The following DIP2C variants were observed in gnomAD, a reference collection of about 807,000 sequenced individuals.
DIP2C encodes the protein DIP2 acetate--CoA ligase C (putative).
A neutral mutation model predicts 192.4 loss-of-function variants in DIP2C; 33 were observed. The ratio of observed to expected loss-of-function variants is 0.17; its 90% CI spans 0.13 to 0.23. DIP2C has a LOEUF of 0.23. DIP2C is among the 10% of genes least tolerant of loss of function. The pLI, the probability that DIP2C is intolerant of heterozygous loss-of-function variation, is 1.00. For synonymous variants in DIP2C, 979 were observed against 864.1 expected, an observed-to-expected ratio of 1.13 and a Z score of -2.33; for missense variants, 1,537 against 2,110.1, an observed-to-expected ratio of 0.73 and a Z score of 5.32.
chr10:520,622 T>A lies in DIP2C; in HGVS notation c.86-34092A>T, dbSNP rs565375285. 1.8e-4 allele frequency among the ~76,000 whole-genome samples: 27 copies of A among 152,310 alleles called. 1 individual carries two copies. The South Asian group carries it at 5.6e-3, about 32-fold the overall frequency. Reference sequence around the variant, plus strand: ...GTCCTGACCTGTCTGAGCAGCTCCCTGCTCTGCCTGCAGCTCCTTCCGCAC... The same window carrying A: ...GTCCTGACCTGTCTGAGCAGCTCCCAGCTCTGCCTGCAGCTCCTTCCGCAC... On this transcript the variant is annotated intron_variant, in intron 1 of 36. Coordinates refer to ENST00000280886, the MANE Select transcript of DIP2C (RefSeq NM_014974.3).
intron 18 of DIP2C, 133 bp downstream of exon 18, chr10:369,361 G>C: frequency 2.6e-6 from 3 of 1,158,966 alleles, no homozygotes; most frequent in African/African-American, 1.6e-5. Context: ...GACTTCAGAA[G>C]ACTGGGAGTG....
chr10:627,635 G>A (rs1165836722), intron 1 of DIP2C, among the ~76,000 whole-genome samples: 1 of 152,208 alleles, frequency 6.6e-6, no homozygotes, highest in Non-Finnish European at 1.5e-5. Context: ...ATGTTTGCCA[G>A]GCAAATTAGA....
intron 35 of DIP2C, among the ~76,000 whole-genome samples, chr10:282,899 G>C (rs1438012894): frequency 2.0e-5 from 3 of 152,262 alleles, no homozygotes; most frequent in Non-Finnish European, 4.4e-5. Context: ...GACAGCTTCT[G>C]TCTCAGATGG....
At chr10:341,372 C>A (rs1958136810) in intron 28 of DIP2C, 43 bp from the exon 29 acceptor site, 2 of 1,610,422 alleles carry the variant, frequency 1.2e-6, no homozygotes, top group South Asian at 2.2e-5. Flanking sequence ...GACCTGACAC[C>A]CTCAGACACC....
At chr10:631,943 C>A (rs7100832) in intron 1 of DIP2C, among the ~76,000 whole-genome samples, 4,901 of 152,260 alleles carry the variant, frequency 0.032, 163 homozygotes, top group African/African-American at 0.079. Context: ...GTTCTGTAAC[C>A]CACATGCTGA....
chr10:612,257 G>A lies in DIP2C; in HGVS notation c.85+77237C>T, dbSNP rs182229106. On this transcript the variant is annotated intron_variant, in intron 1 of 36. Coordinates refer to ENST00000280886, the MANE Select transcript of DIP2C (RefSeq NM_014974.3). ...CAGTGAGCCAAGGTCACACCACTGC[G>A]CTCCAGCCTGGGCAACACAGCAAGA... is the stretch of plus-strand genomic sequence containing the variant. Among the ~76,000 whole-genome samples the A allele has an allele frequency of 6.2e-3, 931 of 151,016 alleles. 7 individuals are homozygous for A. Among genetic ancestry groups the A allele is most frequent in the African/African-American group, 0.015 (617 of 41,048 alleles).
At chr10:292,915 C>A (rs1360288409) in intron 32 of DIP2C, among the ~76,000 whole-genome samples, 2 of 152,226 alleles carry the variant, frequency 1.3e-5, no homozygotes, top group Non-Finnish European at 2.9e-5. Context: ...AGGACCACCA[C>A]CCCCTGGCAG....
rs562966742 is a variant in DIP2C at position 376,045 on chromosome 10, G to A, written c.1992-6412C>T. Among the ~76,000 whole-genome samples the A allele has an allele frequency of 4.9e-4, 75 of 152,244 alleles. No individual in the cohort carries two copies. The South Asian group carries it at 6.0e-3, about 12-fold the overall frequency. Reference sequence around the variant, plus strand: ...AACACGCCTGCAGTCATGTAACGGCGGTAACATTTGTTGAATTCTTACTAT... The same window carrying A: ...AACACGCCTGCAGTCATGTAACGGCAGTAACATTTGTTGAATTCTTACTAT... On this transcript the variant is annotated intron_variant, in intron 17 of 36. Transcript: ENST00000280886.
chr10:424,330 G>A (rs1231113888), intron 4 of DIP2C, among the ~76,000 whole-genome samples: 2 of 146,416 alleles, frequency 1.4e-5, no homozygotes, highest in African/African-American at 5.1e-5. Flanking sequence ...AATGTTAAGA[G>A]CCTGAAAATT....
At chr10:342,647 C>T (rs1408657971) in intron 28 of DIP2C, among the ~76,000 whole-genome samples, 1 of 152,158 alleles carries the variant, frequency 6.6e-6, no homozygotes, top group Non-Finnish European at 1.5e-5. Context: ...AGTGAAGGCT[C>T]ACAGAAGTTA....
intron 10 of DIP2C, among the ~76,000 whole-genome samples, chr10:391,970 CTG>C (rs1438538489): frequency 1.8e-4 from 28 of 152,210 alleles, no homozygotes; most frequent in African/African-American, 6.0e-4. Flanking sequence ...AAACGCCTCT[CTG>C]TGGAATTTTC....
intron 32 of DIP2C, among the ~76,000 whole-genome samples, chr10:307,028 C>A (rs994812488): frequency 6.6e-6 from 1 of 152,108 alleles, no homozygotes; most frequent in African/African-American, 2.4e-5. Flanking sequence ...CCGGGAGAGC[C>A]GGTGGCTAAA....
chr10:414,278 A>C (rs146489010), intron 7 of DIP2C, among the ~76,000 whole-genome samples, 168 bp from the exon 8 acceptor site: 10 of 152,310 alleles, frequency 6.6e-5, no homozygotes, highest in African/African-American at 2.2e-4. Context: ...AGCATCACGG[A>C]TGCTGGTAAA....
intron 1 of DIP2C, among the ~76,000 whole-genome samples, chr10:592,334 A>G (rs1018945490): frequency 1.3e-5 from 2 of 152,172 alleles, no homozygotes; most frequent in Non-Finnish European, 2.9e-5. Flanking sequence ...AGCGGATGTT[A>G]TATCACCACA....
At chr10:327,800 TCA>T (rs1244208508) in intron 30 of DIP2C, among the ~76,000 whole-genome samples, 2 of 152,202 alleles carry the variant, frequency 1.3e-5, no homozygotes, top group Non-Finnish European at 2.9e-5. Flanking sequence ...GAATTTCTTC[TCA>T]TTCTCAAGCG....
intron 4 of DIP2C, chr10:437,464 G>A (rs1316953981): frequency 6.6e-6 from 1 of 152,628 alleles, no homozygotes; most frequent in African/African-American, 2.4e-5. Context: ...GGGTGGCCAT[G>A]CTCCACTCAC....
At chr10:594,232 G>T (rs1315330926) in intron 1 of DIP2C, among the ~76,000 whole-genome samples, 1 of 152,266 alleles carries the variant, frequency 6.6e-6, no homozygotes, top group Non-Finnish European at 1.5e-5. Flanking sequence ...TAGCACTCCT[G>T]CCAGGCCCTT....
chr10:466,730 T>C (rs1411485861), intron 3 of DIP2C, among the ~76,000 whole-genome samples: 5 of 151,722 alleles, frequency 3.3e-5, no homozygotes, highest in East Asian at 1.9e-4. Context: ...GCAAAGGACA[T>C]GAACAGACAC....
intron 1 of DIP2C, among the ~76,000 whole-genome samples, chr10:495,306 T>G (rs1844742860): frequency 1.3e-5 from 2 of 152,316 alleles, no homozygotes; most frequent in African/African-American, 4.8e-5. Flanking sequence ...TACAGTGTGG[T>G]AACTACAGTT....
Sources: allele counts gnomAD v4.1 joint callset (sites outside exome capture counted in the v4.1 genomes callset), GRCh38; gene constraint gnomAD v4.1.1; transcripts MANE v1.5; gene names NCBI Gene and HGNC (gene_info 2026-07-23, HGNC 2026-07-21).